Variants in ATP10B observed in about 807,000 individuals in gnomAD.
ATP10B encodes the protein phospholipid-transporting ATPase VB.
Under a neutral mutation model 141.2 loss-of-function variants are expected in ATP10B, and 122 were observed. That is an observed-to-expected ratio of 0.86 (90% CI 0.75 to 1.00). The LOEUF is 1.00. Ranked by LOEUF, ATP10B falls within the 50% of genes least tolerant of loss-of-function variation. The pLI is 0.00. For synonymous variants in ATP10B, 685 were observed against 692.0 expected (o/e 0.99, Z 0.16); for missense variants, 1,876 against 1,825.3 (o/e 1.03, Z -0.51).
intron 2 of ATP10B, among the ~76,000 whole-genome samples, chr5:160,751,298 TC>T (rs1768137296): frequency 6.6e-6 from 1 of 152,166 alleles, no homozygotes. Flanking sequence ...CCTTTTTCTC[TC>T]TCTCATGTTC....
At chr5:160,688,451 T>G (rs995584846) in intron 4 of ATP10B, among the ~76,000 whole-genome samples, 1 of 152,144 alleles carries the variant, frequency 6.6e-6, no homozygotes. Context: ...TTTGGCCTAA[T>G]TGGGGCTGTC....
chr5:160,818,088 G>A lies in ATP10B; in HGVS notation c.-575-32285C>T, dbSNP rs958729697. On this transcript the variant is annotated intron_variant, in intron 1 of 25. Coordinates refer to ENST00000327245, the MANE Select transcript of ATP10B (RefSeq NM_025153.3). ...CAATACCATTCAGGACACAGGCATG[G>A]GCAAGGACTTCATGTCTAAAACACC... Among the ~76,000 whole-genome samples, 48 of 152,094 alleles carry A rather than the reference G, an allele frequency of 3.2e-4. 1 individual carries two copies. The highest frequency in any genetic ancestry group is 6.3e-4 in the Non-Finnish European group (43 of 68,024).
chr5:160,628,505 A>G (rs1395532329), intron 13 of ATP10B, among the ~76,000 whole-genome samples: 1 of 152,224 alleles, frequency 6.6e-6, no homozygotes, highest in African/African-American at 2.4e-5. Flanking sequence ...TCTTCCAAAG[A>G]AAGAAAGGCA....
chr5:160,565,967 A>G (rs1265035271), intron 25 of ATP10B, 67 bp from the exon 26 acceptor site: 1 of 1,454,850 alleles, frequency 6.9e-7, no homozygotes, highest in East Asian at 2.3e-5. Flanking sequence ...CAGCATTAAA[A>G]GATAGTCTTT....
chr5:160,671,177 A>C (rs1385007425), intron 6 of ATP10B, among the ~76,000 whole-genome samples: 8 of 150,922 alleles, frequency 5.3e-5, no homozygotes, highest in Non-Finnish European at 1.2e-4. Context: ...AAAAAAAAAA[A>C]AAAAAAAAAA....
intron 7 of ATP10B, among the ~76,000 whole-genome samples, chr5:160,653,194 ATATAT>A (rs1336314524): frequency 1.6e-5 from 2 of 128,972 alleles, no homozygotes; most frequent in Non-Finnish European, 3.1e-5. Context: ...TATATATACA[ATATAT>A]TATATACTAT....
upstream of ATP10B, among the ~76,000 whole-genome samples, chr5:160,857,110 T>G (rs1321395747): frequency 6.6e-6 from 1 of 151,868 alleles, no homozygotes; most frequent in Non-Finnish European, 1.5e-5. Flanking sequence ...CTTTATCTTC[T>G]GGAAAATATT....
chr5:160,609,250 G>A (rs571001940), intron 18 of ATP10B, among the ~76,000 whole-genome samples: 83 of 152,118 alleles, frequency 5.5e-4, no homozygotes, highest in African/African-American at 1.8e-3. Flanking sequence ...AAATTATTAA[G>A]TAAAAAAAAG....
At chr5:160,831,597 G>T (rs1012208674) in intron 1 of ATP10B, among the ~76,000 whole-genome samples, 1 of 151,990 alleles carries the variant, frequency 6.6e-6, no homozygotes, top group African/African-American at 2.4e-5. Flanking sequence ...TCCTTTTAAA[G>T]TCTGCTTATT....
chr5:160,836,777 A>G (rs1775463250), intron 1 of ATP10B, among the ~76,000 whole-genome samples: 1 of 152,038 alleles, frequency 6.6e-6, no homozygotes, highest in Admixed American at 6.6e-5. Context: ...TTCAAAGCTG[A>G]GATGAAAAAC....
At chr5:160,807,680 C>T (rs1186305487) in intron 1 of ATP10B, among the ~76,000 whole-genome samples, 2 of 152,292 alleles carry the variant, frequency 1.3e-5, no homozygotes, top group African/African-American at 2.4e-5. Flanking sequence ...TAACTGAACA[C>T]TCTCTGTATC....
chr5:160,753,192 C>T (rs768304761), intron 2 of ATP10B, among the ~76,000 whole-genome samples: 6 of 152,170 alleles, frequency 3.9e-5, no homozygotes, highest in African/African-American at 1.4e-4. Context: ...TGAAGCCGTG[C>T]TTATCTAAGT....
At chr5:160,825,286 A>C (rs769874374) in intron 1 of ATP10B, among the ~76,000 whole-genome samples, 2 of 152,212 alleles carry the variant, frequency 1.3e-5, no homozygotes, top group African/African-American at 2.4e-5. Context: ...TGTAGCTCCC[A>C]TAATTCCTTC....
intron 13 of ATP10B, among the ~76,000 whole-genome samples, chr5:160,623,877 T>C (rs1758483166): frequency 6.6e-6 from 1 of 152,190 alleles, no homozygotes; most frequent in Non-Finnish European, 1.5e-5. Context: ...CTTATGTCCT[T>C]GTTTAATCTC....
chr5:160,843,099 A>G (rs914993091), intron 1 of ATP10B, among the ~76,000 whole-genome samples: 2 of 152,188 alleles, frequency 1.3e-5, no homozygotes, highest in African/African-American at 4.8e-5. Flanking sequence ...ATTGATAGAA[A>G]GGCTAATACA....
At chr5:160,698,081 T>A (rs987067001) in intron 3 of ATP10B, among the ~76,000 whole-genome samples, 6 of 152,202 alleles carry the variant, frequency 3.9e-5, no homozygotes, top group Non-Finnish European at 7.3e-5. Context: ...CTCGGATTTC[T>A]CCCTCGAACT....
At chr5:160,591,775 T>C (rs13189848) in intron 22 of ATP10B, among the ~76,000 whole-genome samples, 10,514 of 152,284 alleles carry the variant, frequency 0.069, 491 homozygotes, top group Non-Finnish European at 0.098. Flanking sequence ...GAATTTGCTA[T>C]GCAGTCAGCA....
chr5:160,832,507 C>A lies in ATP10B; in HGVS notation c.-576+19434G>T, dbSNP rs185709242. On this transcript the variant is annotated intron_variant, in intron 1 of 25. Transcript: ENST00000327245. Reference sequence around the variant, plus strand: ...TATTTTAAAATTTACACACATATGCCCACACTGAAACAAATGAATGAATAA... The same window carrying A: ...TATTTTAAAATTTACACACATATGCACACACTGAAACAAATGAATGAATAA... Among the ~76,000 whole-genome samples, 67 of 152,010 alleles carry A rather than the reference C, an allele frequency of 4.4e-4. 1 individual carries two copies. The highest frequency in any genetic ancestry group is 1.6e-3 in the African/African-American group (65 of 41,454).
At chr5:160,747,569 G>A (rs1414668444) in intron 2 of ATP10B, among the ~76,000 whole-genome samples, 7 of 152,150 alleles carry the variant, frequency 4.6e-5, no homozygotes, top group Non-Finnish European at 8.8e-5. Flanking sequence ...GAAGACAGAG[G>A]ATAGATTGGA....
Sources: gnomAD v4.1 joint callset for allele counts (sites outside exome capture counted in the v4.1 genomes callset) on GRCh38, gnomAD v4.1.1 for gene constraint, MANE v1.5 for transcripts, NCBI Gene and HGNC (gene_info 2026-07-23, HGNC 2026-07-21) for gene names.